The following EIF3M variants were observed in gnomAD, a reference collection of about 807,000 sequenced individuals.
EIF3M encodes eukaryotic translation initiation factor 3 subunit M.
EIF3M carries 25 observed loss-of-function variants against 49.7 expected under a neutral mutation model. The observed-to-expected ratio is 0.50, with a 90% CI of 0.37 to 0.70. The LOEUF is 0.70. Among genes scored for constraint, EIF3M ranks in the 30% least tolerant of loss-of-function variants. EIF3M has a pLI of 0.00. For synonymous variants in EIF3M, 156 were observed against 149.8 expected, an observed-to-expected ratio of 1.04 and a Z score of -0.30; for missense variants, 350 against 440.0, an observed-to-expected ratio of 0.80 and a Z score of 1.83.
chr11:32,601,893 T>C, intron 10 of EIF3M, 71 bp downstream of exon 10: 1 of 1,513,874 alleles, frequency 6.6e-7, no homozygotes, highest in African/African-American at 1.4e-5. Context: ...ACTTAAATGT[T>C]TAGAGAACCA....
At chr11:32,595,270 G>C (rs1455088408) in intron 7 of EIF3M, among the ~76,000 whole-genome samples, 3 of 151,526 alleles carry the variant, frequency 2.0e-5, no homozygotes, top group Non-Finnish European at 4.4e-5. Context: ...TCTGTCACCA[G>C]GCTGGAGTGC....
At chr11:32,588,388 G>GAAAAAA (rs71463359) in intron 2 of EIF3M, among the ~76,000 whole-genome samples, 1 of 93,054 alleles carries the variant, frequency 1.1e-5, no homozygotes. Context: ...GACTTCATCT[G>GAAAAAA]AAAAAAAAAA....
intron 7 of EIF3M, among the ~76,000 whole-genome samples, chr11:32,595,422 GT>G: frequency 6.6e-6 from 1 of 152,164 alleles, no homozygotes; most frequent in Non-Finnish European, 1.5e-5. Context: ...TAGATACAGA[GT>G]TTTGCCATGT....
At chr11:32,588,295 G>A (rs190578829) in intron 2 of EIF3M, among the ~76,000 whole-genome samples, 116 of 151,294 alleles carry the variant, frequency 7.7e-4, no homozygotes, top group African/African-American at 2.4e-3. Flanking sequence ...AGGCTGAGAC[G>A]GGAGAATCGC....
In EIF3M at chr11:32,605,558, A is replaced by G. The variant is rs565749887; in HGVS notation, c.*3159A>G. The G allele has an allele frequency of 8.5e-5, 13 of 152,338 alleles. No individual in the cohort carries two copies. The highest frequency in any genetic ancestry group is 3.1e-4 in the African/African-American group (13 of 41,570). The allele number at this position is 152,338 out of a possible 1,614,324, so 9.4% of individuals were successfully genotyped here. A position where few individuals can be genotyped will look rare whatever the true frequency, so the allele number is the denominator to read the frequency against. On this transcript the variant is annotated 3_prime_UTR_variant, in exon 11 of 11. Transcript: ENST00000531120. ...GTTCATTTTGGTGTATTTGGCATCC[A>G]AGTACAAATTAACAGTTTCCCAAAA...
chr11:32,586,711 A>G (rs189105731), intron 1 of EIF3M, among the ~76,000 whole-genome samples: 10 of 152,334 alleles, frequency 6.6e-5, no homozygotes, highest in African/African-American at 2.2e-4. Context: ...TTTGGGTTAT[A>G]TTATCAAAAA....
At chr11:32,589,870 A>G (rs907622512) in intron 5 of EIF3M, among the ~76,000 whole-genome samples, 1 of 152,220 alleles carries the variant, frequency 6.6e-6, no homozygotes, top group East Asian at 1.9e-4. Context: ...CTTTTTTTCT[A>G]AAAAAAGAAA....
At chr11:32,589,491 ATATGT>A (rs556010748) in intron 4 of EIF3M, 51 bp from the exon 5 acceptor site, 1,041 of 1,525,562 alleles carry the variant, frequency 6.8e-4, no homozygotes, top group Non-Finnish European at 8.6e-4. Context: ...ATGTACTTTT[ATATGT>A]TATACTTTAT....
intron 2 of EIF3M, 30 bp downstream of exon 2, chr11:32,587,174 C>T (rs745781998): frequency 6.5e-7 from 1 of 1,529,908 alleles, no homozygotes; most frequent in South Asian, 1.3e-5. Context: ...CTAATATTTC[C>T]TAATAAAATC....
In EIF3M at chr11:32,603,091, TGCAG is replaced by T; in HGVS notation, c.*693_*696del. On this transcript the variant is annotated 3_prime_UTR_variant, in exon 11 of 11. Coordinates refer to ENST00000531120, the MANE Select transcript of EIF3M (RefSeq NM_006360.6). ...GATTTTAAAGAGTCTGTAAAGCCTC[TGCAG>T]TTATGAGTATGTGGTAAAACCACCA... The T allele has an allele frequency of 3.2e-6, 4 of 1,267,530 alleles. No homozygotes were observed. Among genetic ancestry groups the T allele is most frequent in the Non-Finnish European group, 3.3e-6 (3 of 905,882 alleles). The allele number at this position is 1,267,530 out of a possible 1,614,324, so 78.5% of individuals were successfully genotyped here.
intron 5 of EIF3M, among the ~76,000 whole-genome samples, chr11:32,590,673 A>G (rs1204906896): frequency 1.3e-5 from 2 of 152,332 alleles, no homozygotes; most frequent in East Asian, 3.9e-4. Context: ...CATTTCTGAC[A>G]TTCTGCCAAT....
chr11:32,594,893 C>T, intron 6 of EIF3M, 21 bp from the exon 7 acceptor site: 1 of 1,589,652 alleles, frequency 6.3e-7, no homozygotes, highest in Non-Finnish European at 8.5e-7. Context: ...CCTGAGCTTA[C>T]ATTTTTGTTC....
At chr11:32,587,214 C>T (rs1014365069) in intron 2 of EIF3M, 70 bp downstream of exon 2, 12 of 1,433,668 alleles carry the variant, frequency 8.4e-6, no homozygotes, top group Admixed American at 2.2e-5. Flanking sequence ...ATTATAGAGT[C>T]GTCCCTCATT....
chr11:32,584,607 C>CA (rs796738414), intron 1 of EIF3M, among the ~76,000 whole-genome samples: 1,526 of 62,234 alleles, frequency 0.025, 74 homozygotes, highest in African/African-American at 0.065. Context: ...GAGTCCCTCT[C>CA]AAAAAAAAAA....
In EIF3M at chr11:32,583,951, C is replaced by T. The variant is rs1185199716; in HGVS notation, c.42+22C>T. The T allele has an allele frequency of 2.5e-6, 4 of 1,613,426 alleles. No individual in the cohort carries two copies. In the South Asian group the frequency reaches 3.3e-5, roughly 13 times the overall value. On this transcript the variant is annotated intron_variant, in intron 1 of 10. Coordinates refer to ENST00000531120, the MANE Select transcript of EIF3M (RefSeq NM_006360.6). Reference sequence around the variant, plus strand: ...TCAGGTGTGCTTCGGTCTACGGGTGCCGCCACGGTGGGGTGGGGGATGTCC... The same window carrying T: ...TCAGGTGTGCTTCGGTCTACGGGTGTCGCCACGGTGGGGTGGGGGATGTCC...
intron 1 of EIF3M, among the ~76,000 whole-genome samples, chr11:32,585,124 CG>C (rs1854975277): frequency 6.6e-6 from 1 of 151,958 alleles, no homozygotes; most frequent in Admixed American, 6.6e-5. Context: ...AATGCAGTTC[CG>C]ATGCTCTGAA....
chr11:32,592,849 A>G (rs1227565845), intron 5 of EIF3M: 1 of 320,086 alleles, frequency 3.1e-6, no homozygotes, highest in Non-Finnish European at 6.0e-6. Context: ...TACAGTGGGT[A>G]TTTGGCTGTT....
At chr11:32,600,872 C>G (rs1279428957) in intron 9 of EIF3M, 40 bp downstream of exon 9, 1 of 1,566,306 alleles carries the variant, frequency 6.4e-7, no homozygotes, top group South Asian at 1.2e-5. Flanking sequence ...TCTAGAATTT[C>G]TCATCTACTA....
In EIF3M at chr11:32,594,947, A is replaced by G. The variant is rs754280375; in HGVS notation, c.651A>G (p.Ala217=). The change falls in exon 7 of 11, where the codon GCA becomes GCG. Residue 217 remains alanine, a synonymous_variant. Transcript: ENST00000531120. ...CIVRALKDPN[A]FLFDHLLTLK... ...TACGAGCATTGAAAGATCCAAATGCATTTCTTTTTGACCACCTTCTTACTT... is the reference window on the plus strand; with the variant it reads ...TACGAGCATTGAAAGATCCAAATGCGTTTCTTTTTGACCACCTTCTTACTT... 81 of 1,613,586 alleles carry G rather than the reference A, an allele frequency of 5.0e-5. No homozygotes were observed. The highest frequency in any genetic ancestry group is 6.6e-5 in the Non-Finnish European group (78 of 1,179,850).
Sources: gnomAD v4.1 joint callset for allele counts (sites outside exome capture counted in the v4.1 genomes callset) on GRCh38, gnomAD v4.1.1 for gene constraint, MANE v1.5 for transcripts, NCBI Gene and HGNC (gene_info 2026-07-23, HGNC 2026-07-21) for gene names.